The following SCD5 variants were observed in gnomAD, a reference collection of about 807,000 sequenced individuals.
The protein encoded by SCD5 is stearoyl-CoA desaturase 5.
Under a neutral mutation model 30.4 loss-of-function variants are expected in SCD5, and 20 were observed. That is an observed-to-expected ratio of 0.66 (90% CI 0.46 to 0.96). The LOEUF (loss-of-function observed/expected upper bound fraction) is 0.96. SCD5 is among the 40% of genes least tolerant of loss of function. The probability of loss-of-function intolerance (pLI) is 0.00; values close to 1 mark genes in which losing one functional copy is unlikely to be tolerated. For missense variants in SCD5, 381 were observed against 443.3 expected, an observed-to-expected ratio of 0.86 and a Z score of 1.26; for synonymous variants, 173 against 176.4, an observed-to-expected ratio of 0.98 and a Z score of 0.16.
chr4:82,777,514 TC>T (rs1721768183), intron 1 of SCD5, among the ~76,000 whole-genome samples: 1 of 152,166 alleles, frequency 6.6e-6, no homozygotes, highest in African/African-American at 2.4e-5. Context: ...CTATTTCTGG[TC>T]AAAGACAGCT....
intron 1 of SCD5, among the ~76,000 whole-genome samples, chr4:82,770,843 T>C (rs1263946788): frequency 6.6e-6 from 1 of 152,238 alleles, no homozygotes; most frequent in Admixed American, 6.5e-5. Flanking sequence ...GTTGGGTGGA[T>C]AAATGCCTCC....
chr4:82,670,260 GAC>G (rs566017727), intron 3 of SCD5, among the ~76,000 whole-genome samples: 115 of 152,254 alleles, frequency 7.6e-4, no homozygotes, highest in African/African-American at 2.8e-3. Context: ...GGCTGTAACA[GAC>G]ACAGTAGGTA....
In SCD5 at chr4:82,798,766, T is replaced by C. The variant is rs1281127614; in HGVS notation, c.-229A>G. The C allele has an allele frequency of 2.0e-6, 1 of 490,980 alleles. No individual in the cohort carries two copies. Among genetic ancestry groups the C allele is most frequent in the Non-Finnish European group, 3.6e-6 (1 of 281,440 alleles). 30.4% of individuals were successfully genotyped at this position (490,980 alleles called of 1,614,324 possible). ...GCGTCTGTTGCTGGCGTATCCCCCA[T>C]ATGGCTGCCCGGGCTGAACTCGGCC... On this transcript the variant is annotated 5_prime_UTR_variant, in exon 1 of 5. In the 5' UTR this introduces an upstream ATG that the reference lacks. Transcript: ENST00000319540.
intron 1 of SCD5, among the ~76,000 whole-genome samples, chr4:82,737,986 A>T (rs1435565490): frequency 6.6e-6 from 1 of 151,492 alleles, no homozygotes. Context: ...ATCTAGAACT[A>T]TATCTACTTT....
chr4:82,733,074 T>C (rs1013342042), intron 1 of SCD5, among the ~76,000 whole-genome samples: 6 of 152,134 alleles, frequency 3.9e-5, no homozygotes, highest in Admixed American at 3.3e-4. Context: ...AACAACCCTA[T>C]GAGGGGTTAA....
chr4:82,754,277 A>G (rs1721178690), intron 1 of SCD5, among the ~76,000 whole-genome samples: 3 of 152,372 alleles, frequency 2.0e-5, no homozygotes, highest in South Asian at 2.1e-4. Flanking sequence ...AAATGTGCAG[A>G]TACTAAAAAT....
chr4:82,704,742 C>T (rs1256638918), intron 2 of SCD5, among the ~76,000 whole-genome samples: 1 of 152,226 alleles, frequency 6.6e-6, no homozygotes, highest in African/African-American at 2.4e-5. Context: ...ACCATGACCT[C>T]GCAGGGCAAC....
At chr4:82,743,104 T>C (rs1363898141) in intron 1 of SCD5, among the ~76,000 whole-genome samples, 1 of 152,172 alleles carries the variant, frequency 6.6e-6, no homozygotes, top group South Asian at 2.1e-4. Context: ...AAGGGGATGA[T>C]AAACATTAAA....
intron 3 of SCD5, among the ~76,000 whole-genome samples, chr4:82,678,277 A>G (rs538027063): frequency 6.6e-6 from 1 of 152,220 alleles, no homozygotes; most frequent in East Asian, 1.9e-4. Flanking sequence ...TATTCAGGGA[A>G]CTTGCTGAAA....
intron 1 of SCD5, among the ~76,000 whole-genome samples, chr4:82,733,802 G>A (rs888294708): frequency 2.0e-5 from 3 of 152,134 alleles, no homozygotes; most frequent in Non-Finnish European, 4.4e-5. Flanking sequence ...GAACATGGTT[G>A]ATGAAAGCAG....
chr4:82,714,757 C>T (rs1720188488), intron 1 of SCD5, among the ~76,000 whole-genome samples: 1 of 152,122 alleles, frequency 6.6e-6, no homozygotes, highest in Non-Finnish European at 1.5e-5. Context: ...CTCATTGGAG[C>T]ATTTTGGATT....
chr4:82,733,422 C>G (rs1720685128), intron 1 of SCD5, among the ~76,000 whole-genome samples: 1 of 152,186 alleles, frequency 6.6e-6, no homozygotes, highest in Admixed American at 6.5e-5. Flanking sequence ...AGAAGTTACC[C>G]TCTCTGCCTA....
At chr4:82,743,203 T>C (rs1720914571) in intron 1 of SCD5, among the ~76,000 whole-genome samples, 1 of 152,040 alleles carries the variant, frequency 6.6e-6, no homozygotes, top group Non-Finnish European at 1.5e-5. Context: ...GACAGGAGGA[T>C]AGTCTATTTC....
intron 1 of SCD5, among the ~76,000 whole-genome samples, chr4:82,732,527 G>A (rs1464742565): frequency 6.6e-6 from 1 of 152,138 alleles, no homozygotes; most frequent in Non-Finnish European, 1.5e-5. Flanking sequence ...GTGGAAACAG[G>A]CCTACCCATC....
chr4:82,731,285 T>C (rs766791072), intron 1 of SCD5, among the ~76,000 whole-genome samples: 1 of 152,166 alleles, frequency 6.6e-6, no homozygotes, highest in Non-Finnish European at 1.5e-5. Flanking sequence ...AGCTGCTGGG[T>C]CAAGGCCTGG....
At chr4:82,728,744 T>C (rs76672799) in intron 1 of SCD5, among the ~76,000 whole-genome samples, 15,458 of 151,998 alleles carry the variant, frequency 0.1, 944 homozygotes, top group African/African-American at 0.16. Flanking sequence ...AAAACCCTAA[T>C]CTCCAAGCCT....
At chr4:82,759,239 G>A (rs1333708295) in intron 1 of SCD5, among the ~76,000 whole-genome samples, 1 of 152,226 alleles carries the variant, frequency 6.6e-6, no homozygotes. Flanking sequence ...AGCCACAGTG[G>A]CAGCTGGCGG....
rs1722290625 is a variant in SCD5, at chr4:82,798,758, A to G, written c.-221T>C. ...GGCGGCCGGCGTCTGTTGCTGGCGT[A>G]TCCCCCATATGGCTGCCCGGGCTGA... is the stretch of plus-strand genomic sequence containing the variant. On this transcript the variant is annotated 5_prime_UTR_variant, in exon 1 of 5. Transcript: ENST00000319540. The G allele has an allele frequency of 1.9e-6, 1 of 530,486 alleles. No individual in the cohort carries two copies. Among genetic ancestry groups the G allele is most frequent in the African/African-American group, 2.0e-5 (1 of 49,258 alleles). 32.9% of individuals were successfully genotyped at this position (530,486 alleles called of 1,614,324 possible).
rs564966464 is a variant in SCD5, at chr4:82,767,272, C to G, written c.232+31034G>C. ...TCTCTCTGTCTCTTCTTGCAGCTCACTCTATCTGCTGCAGCTCTCTTCTCC... is the reference window on the plus strand; with the variant it reads ...TCTCTCTGTCTCTTCTTGCAGCTCAGTCTATCTGCTGCAGCTCTCTTCTCC... On this transcript the variant is annotated intron_variant, in intron 1 of 4. Coordinates refer to ENST00000319540, the MANE Select transcript of SCD5 (RefSeq NM_001037582.3). 5.1e-4 allele frequency among the ~76,000 whole-genome samples: 78 copies of G among 152,216 alleles called. 1 individual carries two copies. The highest frequency in any genetic ancestry group is 1.5e-4 in the Non-Finnish European group (10 of 68,010).
Sources: allele counts gnomAD v4.1 joint callset (sites outside exome capture counted in the v4.1 genomes callset), GRCh38; gene constraint gnomAD v4.1.1; transcripts MANE v1.5; gene names NCBI Gene and HGNC (gene_info 2026-07-23, HGNC 2026-07-21).